The following SPHKAP variants were observed in gnomAD, a reference collection of about 807,000 sequenced individuals.
SPHKAP encodes A-kinase anchor protein SPHKAP.
In SPHKAP, 67 loss-of-function variants were observed where a neutral mutation model predicts 137.5. That is an observed-to-expected ratio of 0.49 (90% confidence interval 0.40 to 0.60). The LOEUF is 0.60. Among genes scored for constraint, SPHKAP ranks in the 20% least tolerant of loss-of-function variants. The probability of loss-of-function intolerance (pLI) is 0.00; values close to 1 mark genes in which losing one functional copy is unlikely to be tolerated. For missense variants in SPHKAP, 2,097 were observed against 2,069.3 expected, an observed-to-expected ratio of 1.01 and a Z score of -0.26; for synonymous variants, 813 against 785.3, an observed-to-expected ratio of 1.04 and a Z score of -0.59.
intron 1 of SPHKAP, among the ~76,000 whole-genome samples, chr2:228,154,272 C>T (rs1700026476): frequency 6.6e-6 from 1 of 150,952 alleles, no homozygotes; most frequent in Admixed American, 6.6e-5. Flanking sequence ...TTTTCCATTT[C>T]ATGAAAAAAA....
chr2:228,047,510 A>G (rs1311264803), intron 3 of SPHKAP, among the ~76,000 whole-genome samples: 1 of 151,952 alleles, frequency 6.6e-6, no homozygotes, highest in Non-Finnish European at 1.5e-5. Flanking sequence ...CAACTCTCTC[A>G]TGTTATCTGT....
rs749125616 is a variant in SPHKAP, at chr2:227,981,762, C to G, written c.5058G>C (p.Lys1686Asn). ...VQYCKMHEEQ[K>N]DGRLSLFDWL... ...AGTCAAAGAGACTCAGTCTCCCATC[C>G]TTCTGCTCCTCATGCATTTTGCAGT... is the stretch of plus-strand genomic sequence containing the variant. The change falls in exon 12 of 12, where the codon AAG becomes AAC. Residue 1686 changes from lysine to asparagine, a missense_variant. Coordinates refer to ENST00000392056, the MANE Select transcript of SPHKAP (RefSeq NM_001142644.2). 5.0e-6 allele frequency: 8 copies of G among 1,613,808 alleles called. No homozygotes were observed. Among genetic ancestry groups the G allele is most frequent in the Non-Finnish European group, 6.8e-6 (8 of 1,179,836 alleles).
chr2:228,092,423 ACATATATGTATATATGTGCCATATATATG>A (rs1697809031), intron 3 of SPHKAP, among the ~76,000 whole-genome samples: 5 of 125,332 alleles, frequency 4.0e-5, no homozygotes, highest in South Asian at 2.5e-4. Context: ...ATACATATAT[ACATATATGTATATATGTGCCATATATATG>A]TATACATATA....
intron 1 of SPHKAP, among the ~76,000 whole-genome samples, chr2:228,163,945 A>G (rs971556946): frequency 6.6e-6 from 1 of 152,014 alleles, no homozygotes; most frequent in African/African-American, 2.4e-5. Context: ...CTGGTAGAGT[A>G]TTGTTCTTGG....
chr2:228,016,486 T>C lies in SPHKAP; in HGVS notation c.4368A>G (p.Ala1456=). 1.2e-6 allele frequency: 2 copies of C among 1,613,802 alleles called. No homozygotes were observed. The highest frequency in any genetic ancestry group is 1.7e-6 in the Non-Finnish European group (2 of 1,179,878). Residue 1456 remains alanine (A), a synonymous_variant, in exon 7 of 12, where the codon GCA becomes GCG. Transcript: ENST00000392056. ...TGTTTTTGTCATTCGAATGCCCTTC[T>C]GCTTCCTCTAGGAGGCTGCTTTTGG... ...FLSKSSLLEE[A]EGHSNDKNIP... is the part of the protein sequence containing the mutation.
intron 3 of SPHKAP, among the ~76,000 whole-genome samples, chr2:228,105,402 A>G (rs544251125): frequency 6.6e-6 from 1 of 152,300 alleles, no homozygotes; most frequent in Admixed American, 6.5e-5. Context: ...CCATTATCCT[A>G]CCCCTCATTT....
intron 2 of SPHKAP, chr2:228,131,306 T>C (rs1699241576): frequency 1.0e-6 from 1 of 985,142 alleles, no homozygotes; most frequent in South Asian, 4.7e-5. Flanking sequence ...AGAAGAAACA[T>C]ATACTTCCCT....
intron 3 of SPHKAP, among the ~76,000 whole-genome samples, chr2:228,031,202 G>T (rs1481785203): frequency 6.6e-6 from 1 of 152,242 alleles, no homozygotes; most frequent in Non-Finnish European, 1.5e-5. Context: ...TTAAAAAACA[G>T]CACACCAGGA....
intron 3 of SPHKAP, among the ~76,000 whole-genome samples, chr2:228,076,882 C>T (rs1158253544): frequency 2.6e-5 from 4 of 152,166 alleles, no homozygotes; most frequent in Non-Finnish European, 2.9e-5. Flanking sequence ...GAGACCTATG[C>T]AGCAGTCCCT....
intron 1 of SPHKAP, among the ~76,000 whole-genome samples, chr2:228,144,281 T>C (rs1699697337): frequency 6.6e-6 from 1 of 152,210 alleles, no homozygotes; most frequent in Non-Finnish European, 1.5e-5. Flanking sequence ...TTATTATTTA[T>C]TTTATGTGCC....
At chr2:228,034,926 T>A (rs7426230) in intron 3 of SPHKAP, among the ~76,000 whole-genome samples, 146,701 of 151,564 alleles carry the variant, frequency 0.97, 71,013 homozygotes, top group East Asian at 1. Flanking sequence ...CCAATATCAT[T>A]CCGGATGGGC....
chr2:228,155,618 T>C (rs1277175466), intron 1 of SPHKAP, among the ~76,000 whole-genome samples: 1 of 152,138 alleles, frequency 6.6e-6, no homozygotes, highest in East Asian at 1.9e-4. Flanking sequence ...ATTAGGACAA[T>C]ATAGCCATTG....
At chr2:228,172,826 G>C (rs1465741635) in intron 1 of SPHKAP, among the ~76,000 whole-genome samples, 1 of 152,184 alleles carries the variant, frequency 6.6e-6, no homozygotes, top group East Asian at 1.9e-4. Context: ...GAAAGTAAGA[G>C]AAATGAAGCA....
Position 228,092,670 on chromosome 2 carries a change from A to G in SPHKAP, c.246+16162T>C, listed in dbSNP as rs566207156. ...TATGTATATACATATATATACATAT[A>G]CATGTGCCATGTATATACGTGTATA... On this transcript the variant is annotated intron_variant, in intron 3 of 11. Coordinates refer to ENST00000392056, the MANE Select transcript of SPHKAP (RefSeq NM_001142644.2). Among the ~76,000 whole-genome samples the G allele has an allele frequency of 1.1e-4, 16 of 147,046 alleles. No individual in the cohort carries two copies. The South Asian group carries it at 3.2e-3, about 29-fold the overall frequency.
intron 3 of SPHKAP, among the ~76,000 whole-genome samples, chr2:228,089,244 A>C (rs1262696903): frequency 6.6e-6 from 1 of 152,238 alleles, no homozygotes; most frequent in Admixed American, 6.5e-5. Flanking sequence ...TGCCCTAGCA[A>C]AGAACTTGGC....
At chr2:228,178,520 T>C (rs1166313105) in intron 1 of SPHKAP, among the ~76,000 whole-genome samples, 1 of 152,202 alleles carries the variant, frequency 6.6e-6, no homozygotes, top group African/African-American at 2.4e-5. Flanking sequence ...TAGAACACAC[T>C]GGATGGATGT....
At chr2:228,106,555 T>C (rs1200914480) in intron 3 of SPHKAP, among the ~76,000 whole-genome samples, 1 of 152,244 alleles carries the variant, frequency 6.6e-6, no homozygotes, top group Non-Finnish European at 1.5e-5. Context: ...AAATATAATC[T>C]ATTTTCCCTC....
In SPHKAP at chr2:227,989,848, C is replaced by T. The variant is rs186025253; in HGVS notation, c.4959+1152G>A. ...GTCAGGCTGGTCTTGAACTCCTGACCTCAGGTGATCTGCCCACCTTGGCCT... is the reference window on the plus strand; with the variant it reads ...GTCAGGCTGGTCTTGAACTCCTGACTTCAGGTGATCTGCCCACCTTGGCCT... On this transcript the variant is annotated intron_variant, in intron 11 of 11. Coordinates refer to ENST00000392056, the MANE Select transcript of SPHKAP (RefSeq NM_001142644.2). Among the ~76,000 whole-genome samples, 41 of 151,728 alleles carry T rather than the reference C, an allele frequency of 2.7e-4. 1 individual carries two copies. Among genetic ancestry groups the T allele is most frequent in the African/African-American group, 8.7e-4 (36 of 41,286 alleles).
chr2:228,163,981 G>A (rs188178000), intron 1 of SPHKAP, among the ~76,000 whole-genome samples: 2 of 152,264 alleles, frequency 1.3e-5, no homozygotes, highest in East Asian at 1.9e-4. Flanking sequence ...TGTTGCCAGA[G>A]GGGATTGATA....
Sources: gnomAD v4.1 joint callset for allele counts (sites outside exome capture counted in the v4.1 genomes callset) on GRCh38, gnomAD v4.1.1 for gene constraint, MANE v1.5 for transcripts, NCBI Gene and HGNC (gene_info 2026-07-23, HGNC 2026-07-21) for gene names.